Variants in ZNF701 observed in about 807,000 individuals in gnomAD.
The protein encoded by ZNF701 is zinc finger protein 701.
Under a neutral mutation model 7.1 loss-of-function variants are expected in ZNF701, and 6 were observed. That is an observed-to-expected ratio of 0.84 (90% CI 0.46 to 1.66). The LOEUF (loss-of-function observed/expected upper bound fraction) is 1.66, where lower values mean the gene tolerates loss of function less well. Among genes scored for constraint, ZNF701 ranks in the 40% most tolerant of loss-of-function variants. The probability of loss-of-function intolerance (pLI) is 0.01; values close to 1 mark genes in which losing one functional copy is unlikely to be tolerated. For missense variants in ZNF701, 541 were observed against 559.2 expected (o/e 0.97, Z 0.33); for synonymous variants, 166 against 188.2 (o/e 0.88, Z 0.97).
chr19:52,592,212 G>C, the ZNF701 span: 1 of 1,578,228 alleles, frequency 6.3e-7, no homozygotes, highest in Middle Eastern at 1.7e-4. Context: ...AGAACTACAG[G>C]AACCTGGAGT....
At chr19:52,580,073 C>G (rs2059965399) in intron 3 of ZNF701, among the ~76,000 whole-genome samples, 1 of 141,146 alleles carries the variant, frequency 7.1e-6, no homozygotes, top group African/African-American at 3.1e-5. Context: ...TCCCGAGCAG[C>G]TGGGGCTACA....
rs2059998430 is a variant in ZNF701 at position 52,584,800 on chromosome 19, TC to T, written c.*1345del. ...AAATCCACTGAATGTGTTGATTAGT[TC>T]CAGTAGTATTTTGGTTGACTCAGGC... On this transcript the variant is annotated 3_prime_UTR_variant, in exon 4 of 4. Transcript: ENST00000391785. 6.6e-6 allele frequency: 1 copy of T among 152,212 alleles called. No individual in the cohort carries two copies. Among genetic ancestry groups the T allele is most frequent in the Non-Finnish European group, 1.5e-5 (1 of 68,040 alleles). 9.4% of individuals were successfully genotyped at this position (152,212 alleles called of 1,614,324 possible).
Position 52,582,729 on chromosome 19 carries a change from T to C in ZNF701, c.670T>C (p.Phe224Leu), listed in dbSNP as rs780932190. 4 of 1,614,218 alleles carry C rather than the reference T, an allele frequency of 2.5e-6. No individual in the cohort carries two copies. Among genetic ancestry groups the C allele is most frequent in the Non-Finnish European group, 3.4e-6 (4 of 1,180,028 alleles). ...CCAACGTAATGAGAGTGGCAAAGCC[T>C]TTAATGGTAGCTCACTCTTAAAAAA... ...SFQRNESGKA[F>L]NGSSLLKKHQ... The change falls in exon 4 of 4, where the codon TTT becomes CTT. Residue 224 changes from phenylalanine (F) to leucine (L), a missense_variant. By Grantham distance (22) the Phe-to-Leu change is conservative. Transcript: ENST00000391785.
intron 3 of ZNF701, among the ~76,000 whole-genome samples, chr19:52,580,547 T>TA (rs1568504207): frequency 6.6e-6 from 1 of 152,136 alleles, no homozygotes; most frequent in South Asian, 2.1e-4. Context: ...TTATTCCTTA[T>TA]AGTGCTGTGT....
rs548423942 is a variant in ZNF701, at chr19:52,585,524, G to A, written c.*2067G>A. On this transcript the variant is annotated 3_prime_UTR_variant, in exon 4 of 4. Coordinates refer to ENST00000391785, the MANE Select transcript of ZNF701 (RefSeq NM_018260.3). ...GCAGGCCTGGAATGTGAAGTTTCCAGGTAGATGGATATTAAACATAGAATT... is the reference window on the plus strand; with the variant it reads ...GCAGGCCTGGAATGTGAAGTTTCCAAGTAGATGGATATTAAACATAGAATT... The A allele has an allele frequency of 6.6e-6, 1 of 151,486 alleles. No homozygotes were observed. The highest frequency in any genetic ancestry group is 2.1e-4 in the South Asian group (1 of 4,806). The allele number at this position is 151,486 out of a possible 1,614,324, so 9.4% of individuals were successfully genotyped here. A position where few individuals can be genotyped will look rare whatever the true frequency, so the allele number is the denominator to read the frequency against.
chr19:52,592,346 G>A, the ZNF701 span: 1 of 1,090,324 alleles, frequency 9.2e-7, no homozygotes, highest in Non-Finnish European at 1.3e-6. Context: ...ACATGTCATT[G>A]TTTTCTACAG....
At chr19:52,578,034 C>T (rs1421757071) in intron 3 of ZNF701, among the ~76,000 whole-genome samples, 1 of 151,910 alleles carries the variant, frequency 6.6e-6, no homozygotes. Flanking sequence ...GCGGGCAGAT[C>T]AAGAGGTCAG....
intron 3 of ZNF701, among the ~76,000 whole-genome samples, chr19:52,577,372 T>C (rs2059941684): frequency 6.6e-6 from 1 of 152,124 alleles, no homozygotes; most frequent in African/African-American, 2.4e-5. Context: ...AGTGTGGACC[T>C]AAGATTACCT....
At chr19:52,588,623 T>G (rs1265196017), downstream of ZNF701, 3 of 373,360 alleles carry the variant, frequency 8.0e-6, no homozygotes, top group Non-Finnish European at 1.5e-5. Flanking sequence ...GGTAAAGTGA[T>G]ATTCCTCGGT....
In ZNF701 at chr19:52,582,595, G is replaced by A. The variant is rs139736257; in HGVS notation, c.536G>A (p.Arg179Gln). The change falls in exon 4 of 4, where the codon CGA (arginine) becomes CAA (glutamine). Residue 179 changes from arginine (R) to glutamine (Q), a missense_variant. Transcript: ENST00000391785. The stretch of plus-strand genomic sequence containing the variant: ...GCTTTCTCAGTTTCAGCATCCCAAC[G>A]AATTTCCTGTAGGCCAAAAACTCGT... ...NDAFSVSASQ[R>Q]ISCRPKTRIS... is the part of the protein sequence containing the mutation. The A allele has an allele frequency of 8.2e-5, 132 of 1,614,148 alleles. No individual in the cohort carries two copies. The highest frequency in any genetic ancestry group is 1.1e-4 in the South Asian group (10 of 91,078).
intron 3 of ZNF701, 21 bp from the exon 4 acceptor site, chr19:52,582,181 A>G (rs1235097208): frequency 2.6e-6 from 4 of 1,543,692 alleles, no homozygotes; most frequent in African/African-American, 1.4e-5. Context: ...TTTGAAACCT[A>G]TTTGTGTTTA....
intron 3 of ZNF701, among the ~76,000 whole-genome samples, chr19:52,580,966 A>G (rs1425485766): frequency 2.5e-5 from 2 of 80,380 alleles, no homozygotes; most frequent in Non-Finnish European, 7.5e-5. Flanking sequence ...TCTACTAAAA[A>G]TATAAAAATT....
intron 2 of ZNF701, among the ~76,000 whole-genome samples, chr19:52,574,745 C>G (rs994250392): frequency 6.6e-6 from 1 of 152,040 alleles, no homozygotes; most frequent in Non-Finnish European, 1.5e-5. Context: ...ATGAAATCAA[C>G]CTAAATAATA....
intron 2 of ZNF701, among the ~76,000 whole-genome samples, chr19:52,574,561 C>T: frequency 6.6e-6 from 1 of 152,114 alleles, no homozygotes; most frequent in Non-Finnish European, 1.5e-5. Context: ...GTGGTAAATT[C>T]TAGAAAAGGA....
Position 52,587,138 on chromosome 19 carries a change from T to C in ZNF701, c.*3681T>C, listed in dbSNP as rs1219050080. On this transcript the variant is annotated 3_prime_UTR_variant, in exon 4 of 4. Coordinates refer to ENST00000391785, the MANE Select transcript of ZNF701 (RefSeq NM_018260.3). Reference sequence around the variant, plus strand: ...GTGCTTAGCTGAGGTTGACACCATGTATTTTAAATATGGAAAATAAATTAC... The same window carrying C: ...GTGCTTAGCTGAGGTTGACACCATGCATTTTAAATATGGAAAATAAATTAC... 1 of 152,248 alleles carries C rather than the reference T, an allele frequency of 6.6e-6. No individual in the cohort carries two copies. The highest frequency in any genetic ancestry group is 1.5e-5 in the Non-Finnish European group (1 of 68,052). 9.4% of individuals were successfully genotyped at this position (152,248 alleles called of 1,614,324 possible).
At chr19:52,579,439 G>C (rs1335772842) in intron 3 of ZNF701, among the ~76,000 whole-genome samples, 1 of 133,344 alleles carries the variant, frequency 7.5e-6, no homozygotes, top group African/African-American at 3.4e-5. Flanking sequence ...AGAATTGCTT[G>C]AACCTGGGAG....
At position 52,583,205 on chromosome 19, in the gene ZNF701, C is replaced by T. The variant is rs780361056; in HGVS notation, c.1146C>T (p.Tyr382=). ...HTVIHTGEKP[Y]KCNECGKTFV... ...TAATTCACACTGGAGAGAAACCTTA[C>T]AAGTGTAATGAGTGTGGCAAGACCT... The change falls in exon 4 of 4, where the codon TAC becomes TAT. Residue 382 remains tyrosine, a synonymous_variant. Transcript: ENST00000391785. 6 of 1,610,094 alleles carry T rather than the reference C, an allele frequency of 3.7e-6. No individual in the cohort carries two copies. Among genetic ancestry groups the T allele is most frequent in the Non-Finnish European group, 5.1e-6 (6 of 1,177,018 alleles).
Position 52,583,959 on chromosome 19 carries a change from AATGTG to A in ZNF701, c.*506_*510del, listed in dbSNP as rs1450394877. 2.4e-6 allele frequency: 1 copy of A among 409,474 alleles called. No individual in the cohort carries two copies. Among genetic ancestry groups the A allele is most frequent in the Non-Finnish European group, 4.9e-6 (1 of 202,708 alleles). The allele number at this position is 409,474 out of a possible 1,614,324, so 25.4% of individuals were successfully genotyped here. A position where few individuals can be genotyped will look rare whatever the true frequency, so the allele number is the denominator to read the frequency against. On this transcript the variant is annotated 3_prime_UTR_variant, in exon 4 of 4. Transcript: ENST00000391785. ...TCTTATACAGGAGAGAAATCTTACA[AATGTG>A]ATGATTGTGGCAAGGTCTTCAGTCA...
At chr19:52,578,745 T>C (rs1377269735) in intron 3 of ZNF701, among the ~76,000 whole-genome samples, 3 of 152,204 alleles carry the variant, frequency 2.0e-5, no homozygotes, top group Non-Finnish European at 2.9e-5. Flanking sequence ...ATATAACAAC[T>C]ACGTTAGCGT....
Sources: gnomAD v4.1 joint callset for allele counts (sites outside exome capture counted in the v4.1 genomes callset) on GRCh38, gnomAD v4.1.1 for gene constraint, MANE v1.5 for transcripts, NCBI Gene and HGNC (gene_info 2026-07-23, HGNC 2026-07-21) for gene names.